LRRC53: variants seen among roughly 807,000 people sequenced by gnomAD.
LRRC53 encodes the protein leucine rich repeat containing 53.
LRRC53 carries 25 observed loss-of-function variants against 13.6 expected under a neutral mutation model. The ratio of observed to expected loss-of-function variants is 1.83; its 90% CI spans 1.34 to 2.56. The LOEUF is 2.56. LRRC53 is among the 30% of genes most tolerant of loss of function. The pLI, the probability that LRRC53 is intolerant of heterozygous loss-of-function variation, is 0.00. For missense variants in LRRC53, 527 were observed against 275.8 expected, an observed-to-expected ratio of 1.91 and a Z score of -6.45; for synonymous variants, 204 against 109.8, an observed-to-expected ratio of 1.86 and a Z score of -5.37.
At chr1:74,515,338 G>T (rs918098487), upstream of LRRC53, among the ~76,000 whole-genome samples, 1 of 152,106 alleles carries the variant, frequency 6.6e-6, no homozygotes, top group African/African-American at 2.4e-5. Context: ...CATCATTTGG[G>T]ACTATGCGGA....
intron 1 of LRRC53, among the ~76,000 whole-genome samples, chr1:74,510,562 T>G (rs970438551): frequency 6.6e-6 from 1 of 152,178 alleles, no homozygotes; most frequent in African/African-American, 2.4e-5. Context: ...TCTCTTGAAT[T>G]TTTAAAAAAT....
chr1:74,491,013 T>C (rs1464361155), intron 1 of LRRC53, among the ~76,000 whole-genome samples: 1 of 152,126 alleles, frequency 6.6e-6, no homozygotes, highest in Non-Finnish European at 1.5e-5. Flanking sequence ...ATAAAAGATA[T>C]GATTAGTCTT....
intron 1 of LRRC53, among the ~76,000 whole-genome samples, chr1:74,496,588 G>A (rs922221275): frequency 6.6e-6 from 1 of 151,874 alleles, no homozygotes; most frequent in Non-Finnish European, 1.5e-5. Context: ...TGGGGTTTTT[G>A]GTTGTTTGTA....
chr1:74,520,773 C>T, the LRRC53 span, among the ~76,000 whole-genome samples: 1 of 152,046 alleles, frequency 6.6e-6, no homozygotes, highest in African/African-American at 2.4e-5. Context: ...AGAAAACAGT[C>T]CCCTTTGAGT....
chr1:74,530,901 G>A, the LRRC53 span, among the ~76,000 whole-genome samples: 1 of 152,066 alleles, frequency 6.6e-6, no homozygotes, highest in African/African-American at 2.4e-5. Flanking sequence ...AGGTGGTAGT[G>A]TTGTTAGGTT....
intron 1 of LRRC53, among the ~76,000 whole-genome samples, chr1:74,494,263 G>C (rs539610923): frequency 6.6e-6 from 1 of 152,286 alleles, no homozygotes; most frequent in Non-Finnish European, 1.5e-5. Flanking sequence ...TCTGGAGTTA[G>C]CAAGGGTTTC....
In LRRC53 at chr1:74,471,179, G is replaced by C. The variant is rs142694240; in HGVS notation, c.2443C>G (p.Arg815Gly). The change falls in exon 5 of 5, where the codon CGT becomes GGT. Residue 815 changes from arginine to glycine, a missense_variant. Transcript: ENST00000294635. ...TCTATAGAGCTCTGGTTGACTACAC[G>C]CAAGTTGTTAGCACTGAGCAGGGGG... ...RAPLLSANNL[R>G]VVNQSSIESS... 2.5e-6 allele frequency: 1 copy of C among 400,670 alleles called. No individual in the cohort carries two copies. The highest frequency in any genetic ancestry group is 4.4e-6 in the Non-Finnish European group (1 of 226,180). The allele number at this position is 400,670 out of a possible 1,614,324, so 24.8% of individuals were successfully genotyped here.
At chr1:74,522,859 T>C in the LRRC53 span, among the ~76,000 whole-genome samples, 1 of 152,226 alleles carries the variant, frequency 6.6e-6, no homozygotes, top group Admixed American at 6.5e-5. Flanking sequence ...AAGATTAAAC[T>C]GTGAACACAT....
chr1:74,512,168 G>A (rs918715242), intron 1 of LRRC53, among the ~76,000 whole-genome samples: 1 of 152,192 alleles, frequency 6.6e-6, no homozygotes, highest in African/African-American at 2.4e-5. Flanking sequence ...ACTCGAACCT[G>A]TGAGGGACCA....
rs1405042785 is a variant in LRRC53 at position 74,469,720 on chromosome 1, C to G, written c.*158G>C. Among the ~76,000 whole-genome samples, 1 of 152,054 alleles carries G rather than the reference C, an allele frequency of 6.6e-6. No individual in the cohort carries two copies. Among genetic ancestry groups the G allele is most frequent in the Non-Finnish European group, 1.5e-5 (1 of 67,994 alleles). ...CCATCTTTGATTTTTGTCATATATT[C>G]AACTCTGGTTTTATTTTATTGATAA... On this transcript the variant is annotated 3_prime_UTR_variant, in exon 5 of 5. Coordinates refer to ENST00000294635, the MANE Select transcript of LRRC53 (RefSeq NM_001382280.1).
the LRRC53 span, among the ~76,000 whole-genome samples, chr1:74,520,119 G>A: frequency 6.6e-6 from 1 of 151,532 alleles, no homozygotes; most frequent in Non-Finnish European, 1.5e-5. Flanking sequence ...AGTATATGCT[G>A]AACCCAATTT....
the LRRC53 span, among the ~76,000 whole-genome samples, chr1:74,521,541 T>C: frequency 6.6e-6 from 1 of 152,146 alleles, no homozygotes; most frequent in Non-Finnish European, 1.5e-5. Context: ...CACCTATATA[T>C]ACATATATGC....
chr1:74,511,193 C>CTT (rs1486308876), intron 1 of LRRC53, among the ~76,000 whole-genome samples: 2 of 95,776 alleles, frequency 2.1e-5, no homozygotes, highest in African/African-American at 1.0e-4. Flanking sequence ...CGTGCCCGGC[C>CTT]TATTTTTTTT....
intron 1 of LRRC53, among the ~76,000 whole-genome samples, chr1:74,498,396 A>T (rs988708396): frequency 6.6e-6 from 1 of 152,210 alleles, no homozygotes; most frequent in African/African-American, 2.4e-5. Flanking sequence ...GTGCCACGTT[A>T]TAATTCATGT....
intron 1 of LRRC53, chr1:74,489,089 A>G (rs1668907922): frequency 6.6e-6 from 6 of 905,094 alleles, no homozygotes; most frequent in Non-Finnish European, 8.5e-6. Context: ...CTTTATTGTT[A>G]ATCTCATTCT....
chr1:74,481,325 T>G (rs944846942), intron 2 of LRRC53, among the ~76,000 whole-genome samples: 1 of 152,192 alleles, frequency 6.6e-6, no homozygotes, highest in Non-Finnish European at 1.5e-5. Flanking sequence ...TGACCTGATC[T>G]AGCCCTGCAG....
the LRRC53 span, among the ~76,000 whole-genome samples, chr1:74,534,124 T>C: frequency 1.3e-5 from 2 of 152,202 alleles, no homozygotes; most frequent in African/African-American, 2.4e-5. Flanking sequence ...TAAAGCCTTC[T>C]GCAAGTATAA....
intron 1 of LRRC53, among the ~76,000 whole-genome samples, chr1:74,484,135 C>T (rs1177766118): frequency 1.3e-5 from 2 of 150,822 alleles, no homozygotes; most frequent in South Asian, 2.1e-4. Context: ...TTCTCAACCC[C>T]CCAGTGAAAT....
At chr1:74,492,029 T>C (rs1557603616) in intron 1 of LRRC53, 1 of 1,380,682 alleles carries the variant, frequency 7.2e-7, no homozygotes, top group Admixed American at 2.5e-5. Context: ...GTTAAATCCA[T>C]ATTTTATGTT....
Sources: gnomAD v4.1 joint callset for allele counts (sites outside exome capture counted in the v4.1 genomes callset) on GRCh38, gnomAD v4.1.1 for gene constraint, MANE v1.5 for transcripts, NCBI Gene and HGNC (gene_info 2026-07-23, HGNC 2026-07-21) for gene names.